Variants in CDON observed in about 807,000 individuals in gnomAD.
CDON encodes cell adhesion associated, oncogene regulated.
Under a neutral mutation model 120.9 loss-of-function variants are expected in CDON, and 73 were observed. The ratio of observed to expected loss-of-function variants is 0.60; its 90% CI spans 0.50 to 0.73. The LOEUF (loss-of-function observed/expected upper bound fraction) is 0.73, where lower values mean the gene tolerates loss of function less well. Among genes scored for constraint, CDON ranks in the 30% least tolerant of loss-of-function variants. CDON has a pLI of 0.00. For synonymous variants in CDON, 566 were observed against 573.5 expected, an observed-to-expected ratio of 0.99 and a Z score of 0.19; for missense variants, 1,470 against 1,587.3, an observed-to-expected ratio of 0.93 and a Z score of 1.26.
At chr11:125,971,158 C>A (rs10893454) in intron 18 of CDON, among the ~76,000 whole-genome samples, 45,513 of 151,882 alleles carry the variant, frequency 0.3, 7,210 homozygotes, top group Non-Finnish European at 0.34. Flanking sequence ...CCAAGGCGGG[C>A]GGATCACGAG....
intron 7 of CDON, among the ~76,000 whole-genome samples, chr11:126,014,461 T>C (rs1215811806): frequency 6.6e-6 from 1 of 152,196 alleles, no homozygotes; most frequent in African/African-American, 2.4e-5. Context: ...TAAGTATTGC[T>C]GGTGGGAGTG....
At position 126,010,168 on chromosome 11, in the gene CDON, C is replaced by T. The variant is rs55905554; in HGVS notation, c.1552+173G>A. Among the ~76,000 whole-genome samples, 23,117 of 152,152 alleles carry T rather than the reference C, an allele frequency of 0.15. 2,184 individuals carry two copies. The highest frequency in any genetic ancestry group is 0.24 in the East Asian group (1,226 of 5,168). On this transcript the variant is annotated intron_variant, in intron 8 of 19. Transcript: ENST00000531738. ...CACATCAGAAACAGAGACCAAAATT[C>T]ATGTGATTCACATAAAGTGAAATAC...
Position 125,972,789 on chromosome 11 carries a change from G to A in CDON, c.3356+5515C>T, listed in dbSNP as rs1013023820. 8.5e-5 allele frequency among the ~76,000 whole-genome samples: 13 copies of A among 152,122 alleles called. 1 individual carries two copies. Among genetic ancestry groups the A allele is most frequent in the Admixed American group, 3.9e-4 (6 of 15,280 alleles). ...CAGGGCACAGAGCAGGTAAGAGTCC[G>A]TACGGAAAAGGCCCCATGCAAGACT... On this transcript the variant is annotated intron_variant, in intron 18 of 19. Transcript: ENST00000531738.
At chr11:126,024,636 G>A (rs1163755945) in intron 1 of CDON, among the ~76,000 whole-genome samples, 3 of 152,198 alleles carry the variant, frequency 2.0e-5, no homozygotes, top group Non-Finnish European at 4.4e-5. Flanking sequence ...CTATCTATTA[G>A]ACATCCAACT....
At position 125,981,964 on chromosome 11, in the gene CDON, TATTTTC is replaced by T. The variant is rs1565501889; in HGVS notation, c.2996-641_2996-636del. On this transcript the variant is annotated intron_variant, in intron 16 of 19. Coordinates refer to ENST00000531738, the MANE Select transcript of CDON (RefSeq NM_001378964.1). ...GAGTACCAAAGGCAAAAAGTGATTC[TATTTTC>T]TTTTTTTTTTTTTTTTTTTTTTTTT... 1.1e-3 allele frequency among the ~76,000 whole-genome samples: 139 copies of T among 122,328 alleles called. 1 individual carries two copies. The highest frequency in any genetic ancestry group is 2.8e-3 in the Admixed American group (29 of 10,418). 80.3% of individuals were successfully genotyped at this position (122,328 alleles called of 152,430 possible). A position where few individuals can be genotyped will look rare whatever the true frequency, so the allele number is the denominator to read the frequency against.
chr11:126,023,386 C>G lies in CDON; in HGVS notation c.76+15G>C. 1.3e-6 allele frequency: 2 copies of G among 1,565,864 alleles called. No homozygotes were observed. Among genetic ancestry groups the G allele is most frequent in the African/African-American group, 1.4e-5 (1 of 74,052 alleles). ...AGTAAAGGCCAAACCACCCCCTCCCCAATTCTACTCTTACCTGAACTCACA... is the reference window on the plus strand; with the variant it reads ...AGTAAAGGCCAAACCACCCCCTCCCGAATTCTACTCTTACCTGAACTCACA... On this transcript the variant is annotated intron_variant, in intron 2 of 19. Transcript: ENST00000531738.
chr11:126,052,673 A>G (rs1948591630), intron 1 of CDON, among the ~76,000 whole-genome samples: 1 of 152,106 alleles, frequency 6.6e-6, no homozygotes, highest in South Asian at 2.1e-4. Context: ...AACTACAAAA[A>G]TTAGCCGGGC....
intron 7 of CDON, among the ~76,000 whole-genome samples, chr11:126,014,161 T>G (rs1947388986): frequency 6.6e-6 from 1 of 152,130 alleles, no homozygotes; most frequent in African/African-American, 2.4e-5. Context: ...ATTTAAAATA[T>G]TTATAACTCA....
At chr11:126,025,645 A>G (rs1947773295) in intron 1 of CDON, among the ~76,000 whole-genome samples, 1 of 152,184 alleles carries the variant, frequency 6.6e-6, no homozygotes, top group Non-Finnish European at 1.5e-5. Context: ...TCATTATCAT[A>G]TATATTGCTG....
chr11:126,059,067 C>T (rs940901139), intron 1 of CDON, among the ~76,000 whole-genome samples: 3 of 152,084 alleles, frequency 2.0e-5, no homozygotes, highest in Admixed American at 6.5e-5. Flanking sequence ...TAAAATATGC[C>T]TATTAAAACA....
At chr11:126,054,037 C>A (rs557481143) in intron 1 of CDON, among the ~76,000 whole-genome samples, 1 of 152,310 alleles carries the variant, frequency 6.6e-6, no homozygotes, top group Non-Finnish European at 1.5e-5. Context: ...ACAATAATTT[C>A]ATGGCCTGAT....
At position 125,989,622 on chromosome 11, in the gene CDON, C is replaced by A; in HGVS notation, c.2773+15G>T. On this transcript the variant is annotated intron_variant, in intron 15 of 19. Coordinates refer to ENST00000531738, the MANE Select transcript of CDON (RefSeq NM_001378964.1). ...AATTCTATCACTGTCCAGGGAAAAG[C>A]AAAAATTCTCCTACCTTTAGTCTCG... 1 of 1,611,262 alleles carries A rather than the reference C, an allele frequency of 6.2e-7. No homozygotes were observed. The highest frequency in any genetic ancestry group is 8.5e-7 in the Non-Finnish European group (1 of 1,178,150).
rs746542872 is a variant in CDON, at chr11:125,989,728, C to T, written c.2682G>A (p.Leu894=). ...GSKQWHMIGH[L]QPETSYDIKM... ...TAATGTCATAGGAGGTTTCTGGCTG[C>T]AGGTGGCCAATCATGTGCCACTGCT... is the stretch of plus-strand genomic sequence containing the variant. The change falls in exon 15 of 20, where the codon CTG becomes CTA. Residue 894 remains leucine (L), a synonymous_variant. Coordinates refer to ENST00000531738, the MANE Select transcript of CDON (RefSeq NM_001378964.1). The T allele has an allele frequency of 2.5e-6, 4 of 1,612,870 alleles. No homozygotes were observed. The highest frequency in any genetic ancestry group is 3.4e-6 in the Non-Finnish European group (4 of 1,179,142).
In CDON at chr11:125,984,087, C is replaced by T. The variant is rs374048433; in HGVS notation, c.2780G>A (p.Arg927His). 3.4e-5 allele frequency: 54 copies of T among 1,603,338 alleles called. No homozygotes were observed. Among genetic ancestry groups the T allele is most frequent in the Non-Finnish European group, 4.3e-5 (50 of 1,170,334 alleles). ...AGGATATTCAGAAGCTCCAGGAACA[C>T]GTTTCACTAGTTGAAATATAAAGGA... ...NVMICETKVK[R>H]VPGASEYPVK... Residue 927 changes from arginine to histidine, a missense_variant, in exon 16 of 20, where the codon CGT (arginine) becomes CAT (histidine). Transcript: ENST00000531738.
chr11:126,012,126 C>T (rs1947321446), intron 7 of CDON, among the ~76,000 whole-genome samples: 1 of 152,124 alleles, frequency 6.6e-6, no homozygotes, highest in African/African-American at 2.4e-5. Flanking sequence ...TTTTCTCCTT[C>T]GAGTGTCTTT....
intron 18 of CDON, among the ~76,000 whole-genome samples, chr11:125,964,843 G>C (rs990535665): frequency 4.6e-5 from 7 of 152,190 alleles, no homozygotes; most frequent in African/African-American, 1.2e-4. Context: ...AATTAGAGAG[G>C]AAGAAGGACT....
intron 1 of CDON, among the ~76,000 whole-genome samples, chr11:126,024,733 C>T (rs771199019): frequency 6.6e-5 from 10 of 152,016 alleles, no homozygotes; most frequent in South Asian, 2.1e-4. Flanking sequence ...AACGTATGAA[C>T]GCCTTGGCAC....
intron 8 of CDON, among the ~76,000 whole-genome samples, chr11:126,006,401 C>T (rs1947131774): frequency 6.6e-6 from 1 of 152,164 alleles, no homozygotes; most frequent in Non-Finnish European, 1.5e-5. Flanking sequence ...GGCATGGTGG[C>T]TGACACCTGT....
Position 125,981,048 on chromosome 11 carries a change from C to A in CDON, c.3276+1G>T, listed in dbSNP as rs374564199. On this transcript the variant is annotated splice_donor_variant, in intron 17 of 19. Coordinates refer to ENST00000531738, the MANE Select transcript of CDON (RefSeq NM_001378964.1). LOFTEE classifies it high-confidence loss of function. ...CTTTTATTTATAGTTAGGTCTCTTA[C>A]ATTCACTAGATGATGAGGATGTTCA... 441 of 1,613,602 alleles carry A rather than the reference C, an allele frequency of 2.7e-4. 1 individual carries two copies. The highest frequency in any genetic ancestry group is 3.4e-4 in the Non-Finnish European group (397 of 1,179,806).
Sources: allele counts gnomAD v4.1 joint callset (sites outside exome capture counted in the v4.1 genomes callset), GRCh38; gene constraint gnomAD v4.1.1; transcripts MANE v1.5; gene names NCBI Gene and HGNC (gene_info 2026-07-23, HGNC 2026-07-21).